Variants in PHF14 observed in about 807,000 individuals in gnomAD.
The protein encoded by PHF14 is PHD finger protein 14.
In PHF14, 55 loss-of-function variants were observed where a neutral mutation model predicts 117.9. The ratio of observed to expected loss-of-function variants is 0.47; its 90% CI spans 0.38 to 0.58. PHF14 has a LOEUF of 0.58. Among genes scored for constraint, PHF14 ranks in the 20% least tolerant of loss-of-function variants. PHF14 has a pLI of 0.00. For synonymous variants in PHF14, 409 were observed against 368.6 expected (o/e 1.11, Z -1.26); for missense variants, 978 against 1,122.2 (o/e 0.87, Z 1.84).
intron 3 of PHF14, among the ~76,000 whole-genome samples, chr7:10,986,807 A>C (rs923707551): frequency 7.9e-5 from 12 of 152,188 alleles, no homozygotes; most frequent in African/African-American, 2.9e-4. Flanking sequence ...TTTTGAAACT[A>C]AAGTTTTGCA....
chr7:11,117,566 G>A (rs1787633076), intron 17 of PHF14, among the ~76,000 whole-genome samples: 1 of 81,162 alleles, frequency 1.2e-5, no homozygotes, highest in Admixed American at 1.6e-4. Flanking sequence ...CTATAACTAT[G>A]CCCAAACGAT....
At chr7:11,105,134 A>G (rs1018523312) in intron 16 of PHF14, 1 of 974,912 alleles carries the variant, frequency 1.0e-6, no homozygotes, top group African/African-American at 1.8e-5. Context: ...TCCTTTTGTT[A>G]TAAAAAGACT....
At chr7:11,058,133 G>C (rs10280227) in intron 14 of PHF14, among the ~76,000 whole-genome samples, 1 of 152,040 alleles carries the variant, frequency 6.6e-6, no homozygotes, top group Non-Finnish European at 1.5e-5. Context: ...AGTAGTTTCA[G>C]CCTCAAAATA....
intron 17 of PHF14, among the ~76,000 whole-genome samples, chr7:11,129,506 A>T (rs1788027736): frequency 6.6e-6 from 1 of 151,768 alleles, no homozygotes; most frequent in Non-Finnish European, 1.5e-5. Context: ...CTAAGGGTAT[A>T]AAACTAATCC....
At chr7:11,038,037 A>G (rs1382506549) in intron 10 of PHF14, among the ~76,000 whole-genome samples, 1 of 152,228 alleles carries the variant, frequency 6.6e-6, no homozygotes, top group East Asian at 1.9e-4. Flanking sequence ...ATGCCAGCAG[A>G]AAACAAAATG....
At chr7:11,041,021 A>G (rs540844268) in intron 12 of PHF14, among the ~76,000 whole-genome samples, 2 of 152,118 alleles carry the variant, frequency 1.3e-5, no homozygotes, top group South Asian at 4.2e-4. Context: ...AAATTACTTT[A>G]GATAACATTA....
intron 16 of PHF14, chr7:11,104,768 C>T (rs918360896): frequency 1.1e-5 from 7 of 614,186 alleles, no homozygotes; most frequent in African/African-American, 1.0e-4. Flanking sequence ...TCCCCCTTCA[C>T]CCTGGAGTTT....
intron 16 of PHF14, chr7:11,102,777 A>G: frequency 7.3e-7 from 1 of 1,367,578 alleles, no homozygotes; most frequent in Non-Finnish European, 9.4e-7. Context: ...CTTTTTTTGC[A>G]CTTATCAGAA....
At chr7:11,047,566 C>T (rs193134069) in intron 13 of PHF14, among the ~76,000 whole-genome samples, 46 of 150,358 alleles carry the variant, frequency 3.1e-4, no homozygotes, top group Admixed American at 2.4e-3. Flanking sequence ...GAGGCTGAGG[C>T]GGGCGGATCA....
intron 16 of PHF14, among the ~76,000 whole-genome samples, chr7:11,072,293 C>T (rs1285549192): frequency 6.6e-6 from 1 of 152,076 alleles, no homozygotes; most frequent in Non-Finnish European, 1.5e-5. Flanking sequence ...TAAGAACTCA[C>T]CATCATGAGA....
chr7:11,122,352 T>TATATATATATATATATACACAC, intron 17 of PHF14, among the ~76,000 whole-genome samples: 151 of 65,764 alleles, frequency 2.3e-3, no homozygotes, highest in East Asian at 5.9e-3. Flanking sequence ...TATATATATA[T>TATATATATATATATATACACAC]ACACACACAC....
chr7:11,161,681 TTA>T (rs2128357063), intron 17 of PHF14, among the ~76,000 whole-genome samples: 1 of 128,360 alleles, frequency 7.8e-6, no homozygotes, highest in South Asian at 2.3e-4. Flanking sequence ...AATAAAAATA[TTA>T]TATTTTATTT....
chr7:10,988,039 G>GAAAAA (rs1188249886), intron 3 of PHF14, among the ~76,000 whole-genome samples: 7 of 143,554 alleles, frequency 4.9e-5, no homozygotes, highest in Non-Finnish European at 1.1e-4. Context: ...AAAAGAAAAA[G>GAAAAA]AAAAAAAAGA....
At chr7:11,104,995 C>T in intron 16 of PHF14, 1 of 895,086 alleles carries the variant, frequency 1.1e-6, no homozygotes, top group Non-Finnish European at 1.3e-6. Context: ...ATTTCATCTG[C>T]AACACATACA....
chr7:11,034,580 G>A (rs950479944), intron 7 of PHF14, among the ~76,000 whole-genome samples: 1 of 104,934 alleles, frequency 9.5e-6, no homozygotes, highest in Non-Finnish European at 1.7e-5. Context: ...ACAGACTGTC[G>A]CTCTGTCACC....
chr7:11,077,211 T>G (rs1785894087), intron 16 of PHF14, among the ~76,000 whole-genome samples: 2 of 152,134 alleles, frequency 1.3e-5, no homozygotes, highest in Non-Finnish European at 2.9e-5. Flanking sequence ...ATTGCTCTAA[T>G]TATAAATTGA....
intron 17 of PHF14, among the ~76,000 whole-genome samples, chr7:11,158,410 T>C (rs945749248): frequency 6.6e-6 from 1 of 152,126 alleles, no homozygotes; most frequent in Admixed American, 6.6e-5. Flanking sequence ...CGCTTCTCTG[T>C]GCATCAGAGC....
chr7:11,088,821 A>C lies in PHF14; in HGVS notation c.2655-22529A>C, dbSNP rs548151440. Reference sequence around the variant, plus strand: ...AAACTATAACAAATCAGTATTAAAAAATTATGTATCTCCTATAGATTTATA... The same window carrying C: ...AAACTATAACAAATCAGTATTAAAACATTATGTATCTCCTATAGATTTATA... On this transcript the variant is annotated intron_variant, in intron 16 of 17. Transcript: ENST00000634607. 2.3e-4 allele frequency among the ~76,000 whole-genome samples: 35 copies of C among 152,292 alleles called. No individual in the cohort carries two copies. The South Asian group carries it at 7.2e-3, about 32-fold the overall frequency.
At chr7:11,017,450 G>A (rs920632641) in intron 5 of PHF14, among the ~76,000 whole-genome samples, 1 of 152,132 alleles carries the variant, frequency 6.6e-6, no homozygotes, top group Non-Finnish European at 1.5e-5. Context: ...GGGGTGAGAT[G>A]ATATTTCATG....
Sources: allele counts gnomAD v4.1 joint callset (sites outside exome capture counted in the v4.1 genomes callset), GRCh38; gene constraint gnomAD v4.1.1; transcripts MANE v1.5; gene names NCBI Gene and HGNC (gene_info 2026-07-23, HGNC 2026-07-21).